DIP2C: variants seen among roughly 807,000 people sequenced by gnomAD.
The protein encoded by DIP2C is disco-interacting protein 2 homolog C.
A neutral mutation model predicts 192.4 loss-of-function variants in DIP2C; 33 were observed. The ratio of observed to expected loss-of-function variants is 0.17; its 90% CI spans 0.13 to 0.23. The LOEUF (loss-of-function observed/expected upper bound fraction) is 0.23, where lower values mean the gene tolerates loss of function less well. Ranked by LOEUF, DIP2C falls within the 10% of genes least tolerant of loss-of-function variation. The pLI is 1.00. For synonymous variants in DIP2C, 979 were observed against 864.1 expected (o/e 1.13, Z -2.33); for missense variants, 1,537 against 2,110.1 (o/e 0.73, Z 5.32).
chr10:573,270 AAGC>A (rs1849933654), intron 1 of DIP2C, among the ~76,000 whole-genome samples: 1 of 152,228 alleles, frequency 6.6e-6, no homozygotes, highest in African/African-American at 2.4e-5. Flanking sequence ...TCCAGACTCT[AAGC>A]AGCAATATAT....
chr10:344,927 G>A lies in DIP2C; in HGVS notation c.3344-9C>T, dbSNP rs1000462415. ...CTTCTTTGGCAAATCATCTGGAGAG[G>A]AACATGACTATCAGCAGATCCAGCC... On this transcript the variant is annotated splice_polypyrimidine_tract_variant and intron_variant, in intron 27 of 36. Coordinates refer to ENST00000280886, the MANE Select transcript of DIP2C (RefSeq NM_014974.3). 3 of 1,604,368 alleles carry A rather than the reference G, an allele frequency of 1.9e-6. No individual in the cohort carries two copies. The highest frequency in any genetic ancestry group is 2.2e-5 in the East Asian group (1 of 44,662).
At chr10:640,620 A>C (rs1384422408) in intron 1 of DIP2C, among the ~76,000 whole-genome samples, 2 of 150,982 alleles carry the variant, frequency 1.3e-5, no homozygotes, top group South Asian at 2.1e-4. Context: ...CGCGCGGGGA[A>C]GAAGCTGCGC....
intron 1 of DIP2C, among the ~76,000 whole-genome samples, chr10:615,463 A>G (rs1436395146): frequency 6.6e-6 from 1 of 152,176 alleles, no homozygotes; most frequent in Non-Finnish European, 1.5e-5. Flanking sequence ...CTGAGGAATC[A>G]GTCATTTACA....
intron 1 of DIP2C, among the ~76,000 whole-genome samples, chr10:633,415 C>T (rs1355025110): frequency 5.9e-5 from 9 of 152,050 alleles, no homozygotes; most frequent in Non-Finnish European, 1.0e-4. Context: ...GCGGGGAGTC[C>T]GAGGCGGTGC....
At chr10:413,505 G>A (rs1047321991) in intron 8 of DIP2C, among the ~76,000 whole-genome samples, 1 of 152,170 alleles carries the variant, frequency 6.6e-6, no homozygotes, top group Non-Finnish European at 1.5e-5. Context: ...AGCCATTTCT[G>A]GTTTTAACTC....
At chr10:449,230 T>G (rs920231429) in intron 3 of DIP2C, among the ~76,000 whole-genome samples, 3 of 152,302 alleles carry the variant, frequency 2.0e-5, no homozygotes, top group South Asian at 2.1e-4. Context: ...CCGTCGATAC[T>G]CAGCGGCATC....
At chr10:534,323 G>GAC (rs1393619853) in intron 1 of DIP2C, among the ~76,000 whole-genome samples, 1 of 152,228 alleles carries the variant, frequency 6.6e-6, no homozygotes, top group Non-Finnish European at 1.5e-5. Flanking sequence ...TGCTGGTGGG[G>GAC]ACAGAGGCAG....
At chr10:379,375 C>T (rs561551462) in intron 17 of DIP2C, among the ~76,000 whole-genome samples, 292 of 152,214 alleles carry the variant, frequency 1.9e-3, no homozygotes, top group Non-Finnish European at 3.4e-3. Context: ...CAGAACTTTC[C>T]GACATGCTCT....
chr10:436,810 T>C (rs1317382073), intron 4 of DIP2C, among the ~76,000 whole-genome samples: 1 of 132,596 alleles, frequency 7.5e-6, no homozygotes, highest in African/African-American at 3.1e-5. Context: ...CTCCTGGACA[T>C]GGTAGGGTGA....
At chr10:657,621 GA>G (rs1856450955) in intron 1 of DIP2C, among the ~76,000 whole-genome samples, 1 of 100,050 alleles carries the variant, frequency 1.0e-5, no homozygotes, top group Admixed American at 1.0e-4. Flanking sequence ...TGCTGGACCT[GA>G]TGCTGGACCT....
intron 1 of DIP2C, among the ~76,000 whole-genome samples, chr10:536,294 G>A (rs772852001): frequency 5.9e-5 from 9 of 152,216 alleles, no homozygotes; most frequent in African/African-American, 9.6e-5. Context: ...CCATTGGGAC[G>A]TAGGACCCAC....
At chr10:453,682 AAAG>A (rs1430974139) in intron 3 of DIP2C, among the ~76,000 whole-genome samples, 1 of 152,234 alleles carries the variant, frequency 6.6e-6, no homozygotes. Context: ...AGCAAAGAGA[AAAG>A]AAGCAGATGC....
At chr10:351,028 T>A (rs1958781405) in intron 24 of DIP2C, among the ~76,000 whole-genome samples, 1 of 152,016 alleles carries the variant, frequency 6.6e-6, no homozygotes, top group South Asian at 2.1e-4. Context: ...GGCAAGGCTG[T>A]CGGGACCGGA....
intron 2 of DIP2C, among the ~76,000 whole-genome samples, chr10:477,723 AAG>A (rs549019507): frequency 6.2e-4 from 86 of 138,190 alleles, no homozygotes; most frequent in Admixed American, 1.4e-3. Context: ...AGAGAGAAGA[AAG>A]AGAAGGAAAG....
chr10:396,876 C>T (rs995386261), intron 10 of DIP2C, among the ~76,000 whole-genome samples: 1 of 151,414 alleles, frequency 6.6e-6, no homozygotes. Context: ...AACTGGCATT[C>T]TCCCATAGCA....
chr10:648,098 C>CTG (rs1407162990), intron 1 of DIP2C, among the ~76,000 whole-genome samples: 2 of 145,014 alleles, frequency 1.4e-5, no homozygotes, highest in African/African-American at 2.6e-5. Flanking sequence ...CAGATGGAAA[C>CTG]AGTCCACGTC....
At chr10:570,451 A>C (rs1206809271) in intron 1 of DIP2C, among the ~76,000 whole-genome samples, 1 of 152,068 alleles carries the variant, frequency 6.6e-6, no homozygotes, top group Non-Finnish European at 1.5e-5. Context: ...GTCTGCATGA[A>C]TTGCTACCAT....
rs1192926707 is a variant in DIP2C at position 363,910 on chromosome 10, G to A, written c.2477+464C>T. ...TTCCTCCAGATTGGCAAAAACTCAG[G>A]AACCGTGGCAACTTATTTCATCACG... On this transcript the variant is annotated intron_variant, in intron 20 of 36. Coordinates refer to ENST00000280886, the MANE Select transcript of DIP2C (RefSeq NM_014974.3). The surrounding 1 kb of genome is among the most constrained non-coding windows in gnomAD (Gnocchi z 5.4). 6.6e-6 allele frequency among the ~76,000 whole-genome samples: 1 copy of A among 152,100 alleles called. No homozygotes were observed. The highest frequency in any genetic ancestry group is 1.5e-5 in the Non-Finnish European group (1 of 68,020).
intron 1 of DIP2C, among the ~76,000 whole-genome samples, chr10:685,864 G>C (rs916466281): frequency 2.0e-5 from 3 of 152,218 alleles, no homozygotes; most frequent in Admixed American, 1.3e-4. Context: ...AAGAAGCTGA[G>C]GCATGAGAAC....
Sources: allele counts gnomAD v4.1 joint callset (sites outside exome capture counted in the v4.1 genomes callset), GRCh38; gene constraint gnomAD v4.1.1; non-coding constraint Gnocchi (gnomAD v3.1); transcripts MANE v1.5; gene names NCBI Gene and HGNC (gene_info 2026-07-23, HGNC 2026-07-21).